DNAJB4: variants seen among roughly 807,000 people sequenced by gnomAD.
DNAJB4 encodes the protein DnaJ heat shock protein family (Hsp40) member B4, also known as dnaJ homolog subfamily B member 4.
Under a neutral mutation model 26.6 loss-of-function variants are expected in DNAJB4, and 10 were observed. The observed-to-expected ratio is 0.38, with a 90% confidence interval of 0.23 to 0.64. DNAJB4 has a LOEUF of 0.64. DNAJB4 is among the 30% of genes least tolerant of loss of function. The pLI is 0.58. For missense variants in DNAJB4, 328 were observed against 408.2 expected (o/e 0.80, Z 1.69); for synonymous variants, 136 against 134.8 (o/e 1.01, Z -0.06).
chr1:77,982,311 T>A (rs867391900), intron 1 of DNAJB4, among the ~76,000 whole-genome samples: 56 of 152,248 alleles, frequency 3.7e-4, no homozygotes, highest in African/African-American at 1.4e-3. Context: ...TATTCTCCCT[T>A]TTTTTGTGGT....
At chr1:78,015,531 T>TTTTC (rs1164236768) in intron 2 of DNAJB4, among the ~76,000 whole-genome samples, 12 of 149,240 alleles carry the variant, frequency 8.0e-5, no homozygotes, top group East Asian at 1.9e-4. Flanking sequence ...TTCTTTTTCT[T>TTTTC]TTTCTTTCTT....
At chr1:78,004,058 A>T (rs575990148), upstream of DNAJB4, among the ~76,000 whole-genome samples, 10 of 152,218 alleles carry the variant, frequency 6.6e-5, no homozygotes, top group Non-Finnish European at 1.2e-4. Flanking sequence ...TCCAAATTTT[A>T]CATTGATGCA....
chr1:77,999,327 A>G (rs1348855111), intron 1 of DNAJB4, among the ~76,000 whole-genome samples: 3 of 152,186 alleles, frequency 2.0e-5, no homozygotes, highest in Non-Finnish European at 2.9e-5. Context: ...GCTCTTTGAA[A>G]TCTTATCACT....
At position 78,016,103 on chromosome 1, in the gene DNAJB4, GAGA is replaced by G; in HGVS notation, c.875_877del (p.Arg292del). ...ATGATATTGTGAAACCCGGAATGAGGAGAAGAATTATTGGATATGGGCTGCCAT... is the reference window on the plus strand; with the variant it reads ...ATGATATTGTGAAACCCGGAATGAGGAGAATTATTGGATATGGGCTGCCAT... On this transcript the variant is annotated inframe_deletion, in exon 3 of 3. Coordinates refer to ENST00000370763, the MANE Select transcript of DNAJB4 (RefSeq NM_007034.5). 1.2e-6 allele frequency: 2 copies of G among 1,614,096 alleles called. No homozygotes were observed. The highest frequency in any genetic ancestry group is 1.7e-6 in the Non-Finnish European group (2 of 1,180,000).
At chr1:77,986,176 A>G (rs1454605137) in intron 1 of DNAJB4, among the ~76,000 whole-genome samples, 1 of 152,182 alleles carries the variant, frequency 6.6e-6, no homozygotes, top group African/African-American at 2.4e-5. Flanking sequence ...ATCTTGGGGT[A>G]AAGACTTCAA....
intron 1 of DNAJB4, among the ~76,000 whole-genome samples, chr1:77,991,018 T>G (rs1269435999): frequency 1.3e-5 from 2 of 151,972 alleles, no homozygotes; most frequent in Non-Finnish European, 2.9e-5. Context: ...AGTGGAGATA[T>G]GGGGGGAAGT....
chr1:77,979,968 C>A (rs1043515863), upstream of DNAJB4, among the ~76,000 whole-genome samples: 1 of 152,012 alleles, frequency 6.6e-6, no homozygotes, highest in East Asian at 1.9e-4. Context: ...CTGCATCCTC[C>A]GCCTCCTGGG....
chr1:78,012,166 T>C (rs1312731234), intron 1 of DNAJB4, among the ~76,000 whole-genome samples: 5 of 132,234 alleles, frequency 3.8e-5, no homozygotes, highest in Non-Finnish European at 6.5e-5. Context: ...TTTCTTTTTT[T>C]TTTTTTTTTT....
At chr1:78,006,313 A>T (rs750300349) in intron 1 of DNAJB4, among the ~76,000 whole-genome samples, 11 of 152,174 alleles carry the variant, frequency 7.2e-5, no homozygotes, top group Non-Finnish European at 1.6e-4. Flanking sequence ...TAACACAAAA[A>T]ACTTTAACTT....
chr1:78,016,277 T>C lies in DNAJB4; in HGVS notation c.*30T>C. The C allele has an allele frequency of 6.4e-7, 1 of 1,569,078 alleles. No individual in the cohort carries two copies. The highest frequency in any genetic ancestry group is 1.1e-5 in the South Asian group (1 of 88,820). On this transcript the variant is annotated 3_prime_UTR_variant, in exon 3 of 3. Coordinates refer to ENST00000370763, the MANE Select transcript of DNAJB4 (RefSeq NM_007034.5). ...AAGAACTTTGTTACACATATTTTGA[T>C]AAGGCACTGAAAATATAAAAGGACT...
chr1:77,984,298 A>G (rs1318176621), intron 1 of DNAJB4, among the ~76,000 whole-genome samples: 1 of 152,216 alleles, frequency 6.6e-6, no homozygotes, highest in Non-Finnish European at 1.5e-5. Context: ...GAATCAATTG[A>G]AAGTTTTTCT....
chr1:78,002,634 C>T (rs1303198922), upstream of DNAJB4, among the ~76,000 whole-genome samples: 1 of 152,168 alleles, frequency 6.6e-6, no homozygotes, highest in East Asian at 1.9e-4. Flanking sequence ...ATTTACAAAG[C>T]TTTACAAAGC....
At chr1:78,010,636 T>C (rs1014131112) in intron 1 of DNAJB4, among the ~76,000 whole-genome samples, 2 of 152,184 alleles carry the variant, frequency 1.3e-5, no homozygotes, top group Non-Finnish European at 2.9e-5. Context: ...ATTTTAGATA[T>C]CACTTGAGAC....
At chr1:77,986,556 T>C (rs1486769840) in intron 1 of DNAJB4, among the ~76,000 whole-genome samples, 2 of 152,244 alleles carry the variant, frequency 1.3e-5, no homozygotes, top group African/African-American at 4.8e-5. Context: ...TGTCTTTTAG[T>C]TGTGTCCATT....
At chr1:78,010,715 G>A (rs1660444920) in intron 1 of DNAJB4, among the ~76,000 whole-genome samples, 1 of 152,132 alleles carries the variant, frequency 6.6e-6, no homozygotes, top group African/African-American at 2.4e-5. Context: ...TAAGACGTAA[G>A]CAAAACTAAG....
chr1:78,016,125 C>A lies in DNAJB4; in HGVS notation c.892C>A (p.Leu298Met), dbSNP rs751314268. 6.2e-7 allele frequency: 1 copy of A among 1,614,014 alleles called. No individual in the cohort carries two copies. The stretch of plus-strand genomic sequence containing the variant: ...GAGGAGAAGAATTATTGGATATGGG[C>A]TGCCATTTCCAAAAAATCCTGACCA... ...GMRRRIIGYGLPFPKNPDQRG... is the reference protein window; with the variant it reads ...GMRRRIIGYGMPFPKNPDQRG... The change falls in exon 3 of 3, where the codon CTG becomes ATG. Residue 298 changes from leucine to methionine, a missense_variant. Physicochemically the swap from Leu to Met is conservative, Grantham distance 15 (BLOSUM62 2). Transcript: ENST00000370763.
intron 1 of DNAJB4, among the ~76,000 whole-genome samples, chr1:77,985,928 C>G (rs1341880185): frequency 6.6e-6 from 1 of 152,128 alleles, no homozygotes; most frequent in Non-Finnish European, 1.5e-5. Flanking sequence ...CCATGGATCA[C>G]TTTGCAGAGA....
intron 1 of DNAJB4, among the ~76,000 whole-genome samples, chr1:77,997,333 ATCTATATCTAT>A (rs1279287359): frequency 2.7e-5 from 4 of 146,258 alleles, no homozygotes; most frequent in African/African-American, 7.9e-5. Context: ...AAAAAAAAAA[ATCTATATCTAT>A]ATCTATATCT....
At chr1:77,979,232 T>G (rs1195269596), upstream of DNAJB4, 1 of 530,196 alleles carries the variant, frequency 1.9e-6, no homozygotes, top group African/African-American at 1.9e-5. Context: ...TCGCGAGGAT[T>G]AAGTTTAAGA....
Sources: allele counts gnomAD v4.1 joint callset (sites outside exome capture counted in the v4.1 genomes callset), GRCh38; gene constraint gnomAD v4.1.1; transcripts MANE v1.5; gene names NCBI Gene and HGNC (gene_info 2026-07-23, HGNC 2026-07-21).